The following DPP9 variants were observed in gnomAD, a reference collection of about 807,000 sequenced individuals.
The protein encoded by DPP9 is dipeptidyl peptidase 9.
DPP9 carries 50 observed loss-of-function variants against 110.7 expected under a neutral mutation model. That is an observed-to-expected ratio of 0.45 (90% confidence interval 0.36 to 0.57). The LOEUF (loss-of-function observed/expected upper bound fraction) is 0.57, where lower values mean the gene tolerates loss of function less well. Ranked by LOEUF, DPP9 falls within the 20% of genes least tolerant of loss-of-function variation. The pLI, the probability that DPP9 is intolerant of heterozygous loss-of-function variation, is 0.00. For synonymous variants in DPP9, 561 were observed against 514.4 expected, an observed-to-expected ratio of 1.09 and a Z score of -1.23; for missense variants, 1,022 against 1,217.9, an observed-to-expected ratio of 0.84 and a Z score of 2.39.
intron 4 of DPP9, among the ~76,000 whole-genome samples, chr19:4,707,002 C>G: frequency 6.6e-6 from 1 of 152,186 alleles, no homozygotes; most frequent in Non-Finnish European, 1.5e-5. Context: ...ACACATATCC[C>G]CAGGCATCTC....
chr19:4,676,758 T>C lies in DPP9; in HGVS notation c.2587-102A>G. ...CTCAGGGCATCCGGGAAGGCGCAGG[T>C]GCTCTGAGGCCCAGTGATCTGGGTT... On this transcript the variant is annotated intron_variant, in intron 21 of 21. Transcript: ENST00000262960. The surrounding 1 kb of genome is among the most constrained non-coding windows in gnomAD (Gnocchi z 4.0). 1 of 912,312 alleles carries C rather than the reference T, an allele frequency of 1.1e-6. No homozygotes were observed. Among genetic ancestry groups the C allele is most frequent in the South Asian group, 1.4e-5 (1 of 70,664 alleles). The allele number at this position is 912,312 out of a possible 1,614,324, so 56.5% of individuals were successfully genotyped here.
At chr19:4,696,189 C>T (rs2091786445) in intron 11 of DPP9, among the ~76,000 whole-genome samples, 3 of 152,148 alleles carry the variant, frequency 2.0e-5, no homozygotes. Flanking sequence ...ACGTGAGCCA[C>T]CGCACCTGGC....
rs2090298994 is a variant in DPP9, at chr19:4,683,934, AG to A, written c.2179-306del. 8.6e-6 allele frequency: 8 copies of A among 926,906 alleles called. No homozygotes were observed. The Admixed American group carries it at 2.1e-4, about 25-fold the overall frequency. 57.4% of individuals were successfully genotyped at this position (926,906 alleles called of 1,614,324 possible). A position where few individuals can be genotyped will look rare whatever the true frequency, so the allele number is the denominator to read the frequency against. ...AACAGGAAGAGGACCCATTTTCTAG[AG>A]GGCACAAGGAAGAAAAAGACGGGTG... is the stretch of plus-strand genomic sequence containing the variant. On this transcript the variant is annotated intron_variant, in intron 18 of 21. Coordinates refer to ENST00000262960, the MANE Select transcript of DPP9 (RefSeq NM_139159.5).
rs756818985 is a variant in DPP9, at chr19:4,697,608, G to A, written c.1118C>T (p.Ser373Leu). Residue 373 changes from serine (S) to leucine (L), a missense_variant, in exon 11 of 22, where the codon TCG (serine) becomes TTG (leucine). By Grantham distance (145) the Ser-to-Leu change is moderately radical (BLOSUM62 -2). Coordinates refer to ENST00000262960, the MANE Select transcript of DPP9 (RefSeq NM_139159.5). ...GATGTACTCCACCTTCGGGAACAGCGAGCTGAAGGGCTGCACCAGCTCCTT... is the reference window on the plus strand; with the variant it reads ...GATGTACTCCACCTTCGGGAACAGCAAGCTGAAGGGCTGCACCAGCTCCTT... Reference protein sequence around the residue: ...QEKELVQPFSSLFPKVEYIAR... With the variant: ...QEKELVQPFSLLFPKVEYIAR... 1 of 1,613,866 alleles carries A rather than the reference G, an allele frequency of 6.2e-7. No individual in the cohort carries two copies. The highest frequency in any genetic ancestry group is 8.5e-7 in the Non-Finnish European group (1 of 1,179,848).
At position 4,676,595 on chromosome 19, in the gene DPP9, G is replaced by A; in HGVS notation, c.2648C>T (p.Thr883Met). The A allele has an allele frequency of 6.2e-7, 1 of 1,607,996 alleles. No homozygotes were observed. Among genetic ancestry groups the A allele is most frequent in the African/African-American group, 1.3e-5 (1 of 74,916 alleles). ...CPESGEHYEVTLLHFLQEYL is the reference protein window; with the variant it reads ...CPESGEHYEVMLLHFLQEYL ...GTATTCCTGTAGAAAGTGCAGCAAC[G>A]TGACTTCATAGTGCTCGCCCGACTC... is the stretch of plus-strand genomic sequence containing the variant. The change falls in exon 22 of 22, where the codon ACG becomes ATG. Residue 883 changes from threonine (T) to methionine (M), a missense_variant. This residue lies in a region of DPP9 where 209 missense variants were observed against 280.4 expected (regional missense o/e 0.75). Coordinates refer to ENST00000262960, the MANE Select transcript of DPP9 (RefSeq NM_139159.5). This position sits in a 1 kb window ranked among gnomAD's most constrained non-coding sequence, Gnocchi z 4.0.
In DPP9 at chr19:4,687,150, G is replaced by T. The variant is rs2090829516; in HGVS notation, c.1886-1379C>A. Among the ~76,000 whole-genome samples, 1 of 152,182 alleles carries T rather than the reference G, an allele frequency of 6.6e-6. No homozygotes were observed. The highest frequency in any genetic ancestry group is 2.1e-4 in the South Asian group (1 of 4,828). On this transcript the variant is annotated intron_variant, in intron 16 of 21. Coordinates refer to ENST00000262960, the MANE Select transcript of DPP9 (RefSeq NM_139159.5). This position sits in a 1 kb window ranked among gnomAD's most constrained non-coding sequence, Gnocchi z 4.7. ...AGGGCTCCAGCTCCTGGCGGTGTCG[G>T]TGCGGACAGGAGAGTGAGGACTGGG...
rs1227913063 is a variant in DPP9 at position 4,695,228 on chromosome 19, C to A, written c.1353+150G>T. 1.6e-5 allele frequency: 13 copies of A among 823,824 alleles called. No homozygotes were observed. The South Asian group carries it at 2.5e-4, about 16-fold the overall frequency. 51.0% of individuals were successfully genotyped at this position (823,824 alleles called of 1,614,324 possible). A position where few individuals can be genotyped will look rare whatever the true frequency, so the allele number is the denominator to read the frequency against. ...CAACCCCCCTAGACCCTCTTCCCTGCCAGCCAGGGATGGCCAAGGCCTGAG... is the reference window on the plus strand; with the variant it reads ...CAACCCCCCTAGACCCTCTTCCCTGACAGCCAGGGATGGCCAAGGCCTGAG... On this transcript the variant is annotated intron_variant, in intron 12 of 21. Coordinates refer to ENST00000262960, the MANE Select transcript of DPP9 (RefSeq NM_139159.5). The surrounding 1 kb of genome is among the most constrained non-coding windows in gnomAD (Gnocchi z 4.7).
chr19:4,707,969 C>T (rs143129505), intron 4 of DPP9, among the ~76,000 whole-genome samples: 10 of 152,200 alleles, frequency 6.6e-5, no homozygotes, highest in Middle Eastern at 3.4e-3. Flanking sequence ...ACAAGCTCGC[C>T]GCCTCTGGGA....
intron 1 of DPP9, 77 bp downstream of exon 1, chr19:4,723,597 A>G: frequency 6.4e-6 from 1 of 155,700 alleles, no homozygotes; most frequent in Non-Finnish European, 1.4e-5. Context: ...GGGCAGGGTC[A>G]GGGCCGAGGC....
rs2090894697 is a variant in DPP9, at chr19:4,687,635, C to T, written c.1885+1122G>A. Among the ~76,000 whole-genome samples the T allele has an allele frequency of 6.6e-6, 1 of 152,100 alleles. No homozygotes were observed. Among genetic ancestry groups the T allele is most frequent in the Non-Finnish European group, 1.5e-5 (1 of 68,028 alleles). On this transcript the variant is annotated intron_variant, in intron 16 of 21. Coordinates refer to ENST00000262960, the MANE Select transcript of DPP9 (RefSeq NM_139159.5). The surrounding 1 kb of genome is among the most constrained non-coding windows in gnomAD (Gnocchi z 4.7). ...AGCAGGTGCTGCTGTGGGCGGCAGC[C>T]TCTGGGCACAGGACACCATAAAGGG...
At chr19:4,696,462 C>CAAAA (rs556314195) in intron 11 of DPP9, among the ~76,000 whole-genome samples, 1 of 66,128 alleles carries the variant, frequency 1.5e-5, no homozygotes, top group Admixed American at 1.8e-4. Context: ...CTTGTCTCTA[C>CAAAA]AAAAAAAAAA....
At chr19:4,683,062 C>T in intron 19 of DPP9, 4 of 1,496,080 alleles carry the variant, frequency 2.7e-6, no homozygotes, top group Non-Finnish European at 3.6e-6. Flanking sequence ...GCGGCCCCTC[C>T]CCGCCGCCGC....
At chr19:4,703,027 C>T (rs1002756040) in intron 7 of DPP9, among the ~76,000 whole-genome samples, 6 of 151,718 alleles carry the variant, frequency 4.0e-5, no homozygotes, top group South Asian at 4.2e-4. Flanking sequence ...GGAGCACCCC[C>T]GCCCAAGTGT....
At chr19:4,714,856 T>C (rs948475985) in intron 3 of DPP9, among the ~76,000 whole-genome samples, 2 of 152,004 alleles carry the variant, frequency 1.3e-5, no homozygotes, top group Non-Finnish European at 2.9e-5. Flanking sequence ...TTGAATCTCA[T>C]CCTTCTTATC....
intron 10 of DPP9, 46 bp from the exon 11 acceptor site, chr19:4,697,697 C>T (rs764853643): frequency 3.3e-5 from 52 of 1,556,758 alleles, no homozygotes; most frequent in Non-Finnish European, 3.5e-5. Flanking sequence ...GCCTGCCCGG[C>T]GCTGCTCGGA....
chr19:4,707,141 C>T lies in DPP9; in HGVS notation c.314-1171G>A, dbSNP rs148003397. 6.6e-5 allele frequency among the ~76,000 whole-genome samples: 10 copies of T among 152,302 alleles called. No individual in the cohort carries two copies. The East Asian group carries it at 1.2e-3, about 18-fold the overall frequency. On this transcript the variant is annotated intron_variant, in intron 4 of 21. Coordinates refer to ENST00000262960, the MANE Select transcript of DPP9 (RefSeq NM_139159.5). ...TGGGTGGATTACATGAGGTAAGAAACGTAAAGCTCTCGGCACAATGTGTGT... is the reference window on the plus strand; with the variant it reads ...TGGGTGGATTACATGAGGTAAGAAATGTAAAGCTCTCGGCACAATGTGTGT...
At chr19:4,705,458 G>C (rs1044077874) in intron 5 of DPP9, among the ~76,000 whole-genome samples, 1 of 152,192 alleles carries the variant, frequency 6.6e-6, no homozygotes, top group African/African-American at 2.4e-5. Flanking sequence ...TTGGGCTCAA[G>C]CAATCCTCTT....
chr19:4,721,327 A>T (rs1221801325), intron 2 of DPP9, among the ~76,000 whole-genome samples: 2 of 152,250 alleles, frequency 1.3e-5, no homozygotes, highest in East Asian at 1.9e-4. Flanking sequence ...CTGAGCCCAG[A>T]CCATGCCTGG....
rs528018882 is a variant in DPP9, at chr19:4,716,520, C to T, written c.57-2183G>A. 2.1e-4 allele frequency among the ~76,000 whole-genome samples: 32 copies of T among 152,134 alleles called. No homozygotes were observed. The South Asian group carries it at 4.6e-3, about 22-fold the overall frequency. On this transcript the variant is annotated intron_variant, in intron 3 of 21. Transcript: ENST00000262960. ...GGCGTGGTAGCGGGCGCCTGTAGTC[C>T]CAGCTACTCGGGAGGCTGAGGCAGG...
Sources: gnomAD v4.1 joint callset for allele counts (sites outside exome capture counted in the v4.1 genomes callset) on GRCh38, gnomAD v4.1.1 for gene constraint, gnomAD v4.1.1 regional missense constraint, Gnocchi (gnomAD v3.1) non-coding constraint, MANE v1.5 for transcripts, NCBI Gene and HGNC (gene_info 2026-07-23, HGNC 2026-07-21) for gene names.